SENP1: variants seen among roughly 807,000 people sequenced by gnomAD.
SENP1 encodes SUMO specific peptidase 1, also known as sentrin-specific protease 1.
SENP1 carries 21 observed loss-of-function variants against 93.0 expected under a neutral mutation model. That is an observed-to-expected ratio of 0.23 (90% confidence interval 0.16 to 0.33). SENP1 has a LOEUF of 0.33. SENP1 is among the 10% of genes least tolerant of loss of function. The probability of loss-of-function intolerance (pLI) is 1.00; values close to 1 mark genes in which losing one functional copy is unlikely to be tolerated. For synonymous variants in SENP1, 256 were observed against 259.6 expected (o/e 0.99, Z 0.13); for missense variants, 591 against 758.7 (o/e 0.78, Z 2.60).
At chr12:48,045,806 T>C (rs1454759097) in intron 17 of SENP1, among the ~76,000 whole-genome samples, 1 of 152,104 alleles carries the variant, frequency 6.6e-6, no homozygotes, top group Non-Finnish European at 1.5e-5. Flanking sequence ...TCTGGTAAAG[T>C]CACTGATTCA....
At chr12:48,096,023 AC>A (rs1208639883) in intron 4 of SENP1, among the ~76,000 whole-genome samples, 2 of 152,106 alleles carry the variant, frequency 1.3e-5, no homozygotes, top group Non-Finnish European at 2.9e-5. Context: ...CAAAACAAAC[AC>A]CCTTTACACA....
At chr12:48,051,842 T>TAAG (rs10672694) in intron 13 of SENP1, among the ~76,000 whole-genome samples, 34,459 of 152,006 alleles carry the variant, frequency 0.23, 4,547 homozygotes, top group East Asian at 0.55. Context: ...CCCTTTGAAA[T>TAAG]GAGCTAAAAG....
intron 5 of SENP1, chr12:48,085,016 A>G (rs1944753123): frequency 1.1e-6 from 1 of 933,162 alleles, no homozygotes; most frequent in Non-Finnish European, 1.6e-6. Flanking sequence ...TGGGGAAATG[A>G]GAGTGGCTTC....
At chr12:48,072,478 A>G (rs1024412176) in intron 8 of SENP1, among the ~76,000 whole-genome samples, 1 of 152,166 alleles carries the variant, frequency 6.6e-6, no homozygotes, top group African/African-American at 2.4e-5. Context: ...TTAGCTGGGC[A>G]TAATGGCTCA....
chr12:48,083,550 G>T, intron 6 of SENP1, 41 bp downstream of exon 6: 5 of 1,561,904 alleles, frequency 3.2e-6, no homozygotes, highest in Non-Finnish European at 4.4e-6. Flanking sequence ...TGTAGGGAAA[G>T]ATCCTAACTT....
At chr12:48,086,187 C>A (rs1944849551) in intron 5 of SENP1, among the ~76,000 whole-genome samples, 1 of 152,130 alleles carries the variant, frequency 6.6e-6, no homozygotes. Flanking sequence ...TTTACAAAAA[C>A]CTTGCTTTGA....
intron 16 of SENP1, among the ~76,000 whole-genome samples, chr12:48,046,663 A>G (rs1941390892): frequency 6.6e-6 from 1 of 152,114 alleles, no homozygotes; most frequent in Non-Finnish European, 1.5e-5. Flanking sequence ...ACAGGAGAAT[A>G]TCTCCGACTC....
chr12:48,097,943 T>C, intron 3 of SENP1, 51 bp downstream of exon 3: 1 of 1,555,452 alleles, frequency 6.4e-7, no homozygotes, highest in Middle Eastern at 1.7e-4. Flanking sequence ...GATGAAAACT[T>C]ATGATGAGCC....
intron 15 of SENP1, among the ~76,000 whole-genome samples, chr12:48,047,716 T>G (rs1305590374): frequency 6.6e-6 from 1 of 152,222 alleles, no homozygotes; most frequent in African/African-American, 2.4e-5. Flanking sequence ...CCTTGGTCTC[T>G]TCATCTGAAA....
At chr12:48,057,053 CATAT>C (rs1479624655) in intron 13 of SENP1, among the ~76,000 whole-genome samples, 1 of 48,446 alleles carries the variant, frequency 2.1e-5, no homozygotes, top group African/African-American at 1.6e-4. Context: ...TTATATATTA[CATAT>C]ATAAATATAT....
Position 48,065,085 on chromosome 12 carries a change from C to T in SENP1, c.1255G>A (p.Glu419Lys). The T allele has an allele frequency of 6.2e-7, 1 of 1,600,034 alleles. No individual in the cohort carries two copies. Among genetic ancestry groups the T allele is most frequent in the Non-Finnish European group, 8.6e-7 (1 of 1,167,612 alleles). Residue 419 changes from glutamate to lysine, a missense_variant, in exon 12 of 18, where the codon GAA (glutamate) becomes AAA (lysine). Physicochemically the swap from Glu to Lys is moderately conservative, Grantham distance 56. This residue lies in a region of SENP1 where 238 missense variants were observed against 259.1 expected (regional missense o/e 0.92). Coordinates refer to ENST00000549518, the MANE Select transcript of SENP1 (RefSeq NM_001267594.2). ...CTTACCTCTGTAATTTCAGGAAATTCATCTTCACTATCAGTTAATTTATGA... is the reference window on the plus strand; with the variant it reads ...CTTACCTCTGTAATTTCAGGAAATTTATCTTCACTATCAGTTAATTTATGA... ...KGHKLTDSED[E>K]FPEITEEMEK...
At chr12:48,070,020 T>C (rs1466683605) in intron 9 of SENP1, among the ~76,000 whole-genome samples, 5 of 152,152 alleles carry the variant, frequency 3.3e-5, no homozygotes, top group Admixed American at 2.6e-4. Context: ...ATCATAGTAA[T>C]GGTTACTATG....
At chr12:48,082,184 C>T (rs565629691) in intron 6 of SENP1, among the ~76,000 whole-genome samples, 8 of 152,252 alleles carry the variant, frequency 5.3e-5, no homozygotes, top group Non-Finnish European at 7.4e-5. Flanking sequence ...CCACCATGCC[C>T]GGCCTCAATA....
chr12:48,080,781 T>C (rs972370020), intron 6 of SENP1, among the ~76,000 whole-genome samples: 3 of 152,218 alleles, frequency 2.0e-5, no homozygotes, highest in Non-Finnish European at 4.4e-5. Flanking sequence ...CTGTAAGCCA[T>C]ATAGTAGTAC....
chr12:48,058,586 T>C (rs940988040), intron 13 of SENP1, among the ~76,000 whole-genome samples: 4 of 152,192 alleles, frequency 2.6e-5, no homozygotes, highest in African/African-American at 9.6e-5. Context: ...TTATGTAGAG[T>C]AGAAGGATCT....
intron 6 of SENP1, chr12:48,080,422 T>C (rs1216571511): frequency 6.6e-6 from 1 of 152,366 alleles, no homozygotes; most frequent in Non-Finnish European, 1.5e-5. Flanking sequence ...ATGTGTTCTC[T>C]TCAAACCTCT....
At chr12:48,051,638 T>C (rs1431160140) in intron 13 of SENP1, among the ~76,000 whole-genome samples, 2 of 152,130 alleles carry the variant, frequency 1.3e-5, no homozygotes, top group Non-Finnish European at 1.5e-5. Flanking sequence ...AAGTCCTACA[T>C]GTCATCTCAC....
intron 14 of SENP1, 91 bp downstream of exon 14, chr12:48,048,838 A>G: frequency 1.1e-6 from 1 of 910,222 alleles, no homozygotes; most frequent in Non-Finnish European, 1.7e-6. Flanking sequence ...TCAATAATCA[A>G]GGGAACATGT....
chr12:48,098,184 G>A, intron 2 of SENP1, 60 bp from the exon 3 acceptor site: 1 of 1,535,456 alleles, frequency 6.5e-7, no homozygotes, highest in Non-Finnish European at 8.9e-7. Context: ...TTTTTCCTAT[G>A]AACCAATCTT....
Sources: allele counts gnomAD v4.1 joint callset (sites outside exome capture counted in the v4.1 genomes callset), GRCh38; gene constraint gnomAD v4.1.1; regional missense constraint gnomAD v4.1.1; transcripts MANE v1.5; gene names NCBI Gene and HGNC (gene_info 2026-07-23, HGNC 2026-07-21).